The following COTL1 variants were observed in gnomAD, a reference collection of about 807,000 sequenced individuals.
The protein encoded by COTL1 is coactosin-like protein.
COTL1 carries 15 observed loss-of-function variants against 16.5 expected under a neutral mutation model. That is an observed-to-expected ratio of 0.91 (90% confidence interval 0.61 to 1.40). The LOEUF (loss-of-function observed/expected upper bound fraction) is 1.40. COTL1 is among the 40% of genes most tolerant of loss of function. COTL1 has a pLI of 0.00. For synonymous variants in COTL1, 112 were observed against 85.3 expected, an observed-to-expected ratio of 1.31 and a Z score of -1.73; for missense variants, 220 against 201.5, an observed-to-expected ratio of 1.09 and a Z score of -0.56.
chr16:84,589,815 C>T (rs144099375), intron 3 of COTL1, among the ~76,000 whole-genome samples: 116 of 152,140 alleles, frequency 7.6e-4, no homozygotes, highest in Middle Eastern at 3.4e-3. Flanking sequence ...CACCAGTTCC[C>T]GTCTCTAGAA....
intron 3 of COTL1, among the ~76,000 whole-genome samples, chr16:84,574,652 C>T (rs1007950578): frequency 3.3e-5 from 5 of 152,122 alleles, no homozygotes; most frequent in African/African-American, 9.7e-5. Context: ...ATAGTGCGAT[C>T]GGCTCACTGC....
At chr16:84,601,816 T>C (rs1360725619) in intron 2 of COTL1, among the ~76,000 whole-genome samples, 1 of 152,110 alleles carries the variant, frequency 6.6e-6, no homozygotes, top group East Asian at 1.9e-4. Context: ...ACAAAGAGGG[T>C]TCTTGTTGAC....
chr16:84,567,666 G>A (rs1404902834), intron 3 of COTL1: 1 of 152,238 alleles, frequency 6.6e-6, no homozygotes, highest in African/African-American at 2.4e-5. Flanking sequence ...CAGGCTGTGG[G>A]GCTACAGGGC....
chr16:84,581,978 C>CTTTTTTT (rs11332563), intron 3 of COTL1, among the ~76,000 whole-genome samples: 48 of 66,020 alleles, frequency 7.3e-4, no homozygotes, highest in Non-Finnish European at 1.2e-3. Context: ...TACATTTCTT[C>CTTTTTTT]TTTTTTTTTT....
rs191509704 is a variant in COTL1 at position 84,587,707 on chromosome 16, G to C, written c.318+2398C>G. Among the ~76,000 whole-genome samples the C allele has an allele frequency of 5.2e-3, 799 of 152,224 alleles. 8 individuals carry two copies. Among genetic ancestry groups the C allele is most frequent in the African/African-American group, 0.019 (770 of 41,550 alleles). On this transcript the variant is annotated intron_variant, in intron 3 of 3. Coordinates refer to ENST00000262428, the MANE Select transcript of COTL1 (RefSeq NM_021149.5). ...AGGAGGCGAGCCCGTCCAGAGAGTGGCCAGGAGGGACGTCCAAAAGCGGGA... is the reference window on the plus strand; with the variant it reads ...AGGAGGCGAGCCCGTCCAGAGAGTGCCCAGGAGGGACGTCCAAAAGCGGGA...
At chr16:84,605,823 T>G (rs978963067) in intron 2 of COTL1, among the ~76,000 whole-genome samples, 9 of 152,264 alleles carry the variant, frequency 5.9e-5, no homozygotes, top group Non-Finnish European at 1.2e-4. Context: ...TGCATTTATG[T>G]TGTTTTAATT....
chr16:84,594,538 A>C (rs1279358501), intron 2 of COTL1: 1 of 152,146 alleles, frequency 6.6e-6, no homozygotes, highest in African/African-American at 2.4e-5. Context: ...ATCAACACCA[A>C]AGTGCTTAAT....
intron 3 of COTL1, among the ~76,000 whole-genome samples, chr16:84,582,991 G>C (rs1904634118): frequency 6.6e-6 from 1 of 152,204 alleles, no homozygotes; most frequent in Non-Finnish European, 1.5e-5. Context: ...GGAAGATCGA[G>C]AATCAGGAAA....
Position 84,590,298 on chromosome 16 carries a change from G to A in COTL1, c.161-36C>T, listed in dbSNP as rs369295397. ...AAGCGAAAAGAGAACATGGTGCTGCGTTAAAACACCCCCATGTCATGTCCC... is the reference window on the plus strand; with the variant it reads ...AAGCGAAAAGAGAACATGGTGCTGCATTAAAACACCCCCATGTCATGTCCC... On this transcript the variant is annotated intron_variant, in intron 2 of 3. Coordinates refer to ENST00000262428, the MANE Select transcript of COTL1 (RefSeq NM_021149.5). The surrounding 1 kb of genome is among the most constrained non-coding windows in gnomAD (Gnocchi z 5.5). The A allele has an allele frequency of 7.2e-5, 116 of 1,603,920 alleles. No homozygotes were observed. The highest frequency in any genetic ancestry group is 3.7e-4 in the South Asian group (33 of 90,300).
chr16:84,609,915 T>C (rs1468286867), intron 2 of COTL1, among the ~76,000 whole-genome samples: 1 of 152,214 alleles, frequency 6.6e-6, no homozygotes, highest in African/African-American at 2.4e-5. Flanking sequence ...TCTTTATAAA[T>C]TACCCAGTCA....
At chr16:84,567,379 A>C (rs934845131) in intron 3 of COTL1, 4 of 157,810 alleles carry the variant, frequency 2.5e-5, no homozygotes, top group African/African-American at 9.6e-5. Context: ...CTCCAAAAAA[A>C]AGAAAAGGAC....
chr16:84,611,866 T>C (rs1411722446), intron 2 of COTL1, among the ~76,000 whole-genome samples: 2 of 152,316 alleles, frequency 1.3e-5, no homozygotes, highest in East Asian at 3.9e-4. Context: ...CACACATACG[T>C]GATCTGTAAG....
intron 3 of COTL1, among the ~76,000 whole-genome samples, chr16:84,588,117 G>T (rs1295218409): frequency 1.3e-5 from 2 of 152,170 alleles, no homozygotes; most frequent in South Asian, 4.2e-4. Flanking sequence ...GCTGGGCGTG[G>T]TGGCCTATAA....
At chr16:84,576,242 G>T (rs2914826) in intron 3 of COTL1, 1 of 152,256 alleles carries the variant, frequency 6.6e-6, no homozygotes, top group African/African-American at 2.4e-5. Context: ...TGCTATTCAG[G>T]AGTGTTGCGC....
intron 2 of COTL1, among the ~76,000 whole-genome samples, chr16:84,597,857 C>G (rs1905038649): frequency 1.3e-5 from 2 of 152,170 alleles, no homozygotes; most frequent in Non-Finnish European, 2.9e-5. Context: ...GTGCTCCCTC[C>G]CCAAAATCCC....
chr16:84,577,843 A>G (rs1268229974), intron 3 of COTL1, among the ~76,000 whole-genome samples: 3 of 152,152 alleles, frequency 2.0e-5, no homozygotes, highest in Admixed American at 2.0e-4. Context: ...AAAACCAAAT[A>G]GAGGCGGCTG....
chr16:84,585,353 CA>C lies in COTL1; in HGVS notation c.318+4751del, dbSNP rs5818498. 2.1e-3 allele frequency among the ~76,000 whole-genome samples: 268 copies of C among 126,942 alleles called. 1 individual carries two copies. Among genetic ancestry groups the C allele is most frequent in the Admixed American group, 3.6e-3 (46 of 12,926 alleles). 83.3% of individuals were successfully genotyped at this position (126,942 alleles called of 152,430 possible). ...CTGGGTGACAGAGTGAGATTGTCTC[CA>C]AAAAAAAAAAAAAAAATCGCCCCCC... On this transcript the variant is annotated intron_variant, in intron 3 of 3. Transcript: ENST00000262428.
intron 3 of COTL1, among the ~76,000 whole-genome samples, chr16:84,578,225 C>T (rs1465454440): frequency 6.6e-6 from 1 of 152,158 alleles, no homozygotes; most frequent in Non-Finnish European, 1.5e-5. Context: ...CAAAACTGTG[C>T]CCAGCATTTC....
chr16:84,609,135 G>A (rs1456688264), intron 2 of COTL1, among the ~76,000 whole-genome samples: 3 of 152,100 alleles, frequency 2.0e-5, no homozygotes, highest in South Asian at 4.1e-4. Flanking sequence ...GGGTGTGTAT[G>A]TTCAGCTAGG....
Sources: allele counts gnomAD v4.1 joint callset (sites outside exome capture counted in the v4.1 genomes callset), GRCh38; gene constraint gnomAD v4.1.1; non-coding constraint Gnocchi (gnomAD v3.1); transcripts MANE v1.5; gene names NCBI Gene and HGNC (gene_info 2026-07-23, HGNC 2026-07-21).